Variants in DNAH9 observed in about 807,000 individuals in gnomAD.
The protein encoded by DNAH9 is dynein axonemal heavy chain 9.
A neutral mutation model predicts 471.6 loss-of-function variants in DNAH9; 345 were observed. That is an observed-to-expected ratio of 0.73 (90% CI 0.67 to 0.80). The LOEUF is 0.80. Among genes scored for constraint, DNAH9 ranks in the 30% least tolerant of loss-of-function variants. DNAH9 has a pLI of 0.00. For synonymous variants in DNAH9, 2,093 were observed against 2,123.6 expected, an observed-to-expected ratio of 0.99 and a Z score of 0.40; for missense variants, 5,407 against 5,609.2, an observed-to-expected ratio of 0.96 and a Z score of 1.15.
chr17:11,815,414 C>A (rs749818217), intron 45 of DNAH9, among the ~76,000 whole-genome samples: 4 of 152,174 alleles, frequency 2.6e-5, no homozygotes, highest in Non-Finnish European at 4.4e-5. Context: ...AACGCCAACA[C>A]TCCTTAACTT....
chr17:11,715,527 G>A (rs2074943897), intron 26 of DNAH9, among the ~76,000 whole-genome samples: 1 of 152,158 alleles, frequency 6.6e-6, no homozygotes, highest in Admixed American at 6.5e-5. Flanking sequence ...CTGACATGGT[G>A]AAAGAGTCAA....
chr17:11,880,355 G>A (rs1342464731), intron 54 of DNAH9, among the ~76,000 whole-genome samples, 155 bp downstream of exon 54: 1 of 152,048 alleles, frequency 6.6e-6, no homozygotes, highest in African/African-American at 2.4e-5. Context: ...TCCAGCAGAG[G>A]TCTATTTAGT....
intron 15 of DNAH9, among the ~76,000 whole-genome samples, chr17:11,668,488 C>T (rs900518705): frequency 4.6e-5 from 7 of 151,972 alleles, no homozygotes; most frequent in African/African-American, 1.7e-4. Flanking sequence ...AGTGTGGTGA[C>T]ACCCTATCTC....
intron 27 of DNAH9, among the ~76,000 whole-genome samples, chr17:11,722,280 G>A (rs1211963803): frequency 6.6e-6 from 1 of 152,188 alleles, no homozygotes; most frequent in East Asian, 1.9e-4. Context: ...GGGAAGGACT[G>A]AAAGCCACTG....
intron 45 of DNAH9, among the ~76,000 whole-genome samples, chr17:11,814,968 AAAC>A (rs3070117): frequency 1.3e-5 from 2 of 151,318 alleles, no homozygotes; most frequent in South Asian, 4.2e-4. Flanking sequence ...AAGAAAAAAA[AAAC>A]AATAAAGTTG....
Position 11,610,510 on chromosome 17 carries a change from G to A in DNAH9, c.729G>A (p.Gly243=). The A allele has an allele frequency of 6.2e-7, 1 of 1,613,300 alleles. No homozygotes were observed. Among genetic ancestry groups the A allele is most frequent in the African/African-American group, 1.3e-5 (1 of 75,014 alleles). Residue 243 remains glycine (G), a synonymous_variant, in exon 3 of 69, where the codon GGG becomes GGA. Transcript: ENST00000262442. ...AGTCTTCCCAGCCACTCTTACAAGG[G>A]GAGAATCCCACCCCTAAGGTGGAGT... is the stretch of plus-strand genomic sequence containing the variant. ...KRESSQPLLQ[G]ENPTPKVELE...
At chr17:11,912,704 CA>C (rs1973828893) in intron 61 of DNAH9, among the ~76,000 whole-genome samples, 1 of 152,104 alleles carries the variant, frequency 6.6e-6, no homozygotes, top group African/African-American at 2.4e-5. Context: ...TTACTGGACT[CA>C]ATTTGCTAAC....
At chr17:11,664,005 C>T (rs904521603) in intron 14 of DNAH9, among the ~76,000 whole-genome samples, 2 of 152,142 alleles carry the variant, frequency 1.3e-5, no homozygotes, top group Admixed American at 6.5e-5. Context: ...TGGCAATACA[C>T]CCTGAAGAGG....
In DNAH9 at chr17:11,808,026, G is replaced by C. The variant is rs1969757443; in HGVS notation, c.8583+132G>C. The C allele has an allele frequency of 5.5e-6, 6 of 1,083,966 alleles. No homozygotes were observed. In the South Asian group the frequency reaches 9.1e-5, roughly 16 times the overall value. 67.1% of individuals were successfully genotyped at this position (1,083,966 alleles called of 1,614,324 possible). A position where few individuals can be genotyped will look rare whatever the true frequency, so the allele number is the denominator to read the frequency against. On this transcript the variant is annotated intron_variant, in intron 44 of 68. Coordinates refer to ENST00000262442, the MANE Select transcript of DNAH9 (RefSeq NM_001372.4). ...TCAATGTCTGTCCATTTCTGTCTTA[G>C]GTTCTGGGCTGGTGATGTGAATGAC...
At chr17:11,759,500 G>GGT (rs1485530239) in intron 35 of DNAH9, among the ~76,000 whole-genome samples, 2 of 146,266 alleles carry the variant, frequency 1.4e-5, no homozygotes, top group Admixed American at 1.4e-4. Flanking sequence ...GATATACATA[G>GGT]GTATATATAC....
intron 50 of DNAH9, among the ~76,000 whole-genome samples, chr17:11,857,029 T>G (rs1434352090): frequency 6.6e-6 from 1 of 152,248 alleles, no homozygotes; most frequent in South Asian, 2.1e-4. Context: ...CCAGCCCATA[T>G]TCCTGCTTTT....
chr17:11,812,195 C>T (rs1278877224), intron 45 of DNAH9, among the ~76,000 whole-genome samples: 2 of 149,936 alleles, frequency 1.3e-5, no homozygotes, highest in African/African-American at 4.9e-5. Context: ...TCTACAAAAC[C>T]ACCTCTTCAT....
intron 52 of DNAH9, among the ~76,000 whole-genome samples, chr17:11,872,072 G>A (rs951350767): frequency 6.6e-6 from 1 of 152,124 alleles, no homozygotes; most frequent in African/African-American, 2.4e-5. Context: ...CCTTAAAGCT[G>A]TGAAACCTGA....
At chr17:11,725,992 C>G (rs2150811473) in intron 27 of DNAH9, among the ~76,000 whole-genome samples, 1 of 152,316 alleles carries the variant, frequency 6.6e-6, no homozygotes, top group South Asian at 2.1e-4. Flanking sequence ...AAAGATCCCT[C>G]ATAGTAATTC....
chr17:11,636,600 T>G lies in DNAH9; in HGVS notation c.1636-34T>G, dbSNP rs766101465. 8.2e-6 allele frequency: 13 copies of G among 1,589,502 alleles called. No individual in the cohort carries two copies. The African/African-American group carries it at 1.9e-4, about 23-fold the overall frequency. ...AACCATGGAAAGGTTTAATCTGTGATTTTTTTCCTCTTTTTCCTCCACCTT... is the reference window on the plus strand; with the variant it reads ...AACCATGGAAAGGTTTAATCTGTGAGTTTTTTCCTCTTTTTCCTCCACCTT... On this transcript the variant is annotated intron_variant, in intron 8 of 68. Transcript: ENST00000262442.
intron 29 of DNAH9, among the ~76,000 whole-genome samples, chr17:11,740,246 C>A (rs1364352084): frequency 6.6e-6 from 1 of 152,192 alleles, no homozygotes; most frequent in African/African-American, 2.4e-5. Flanking sequence ...TTCTTTCTTA[C>A]CTTTTTTTCT....
intron 62 of DNAH9, among the ~76,000 whole-genome samples, chr17:11,926,034 T>TAA (rs1555525545): frequency 8.5e-5 from 2 of 23,446 alleles, no homozygotes; most frequent in Admixed American, 1.0e-3. Flanking sequence ...AGAGATTCTC[T>TAA]GAAAAAAAAA....
At chr17:11,821,841 G>C in intron 45 of DNAH9, 79 bp from the exon 46 acceptor site, 1 of 1,510,480 alleles carries the variant, frequency 6.6e-7, no homozygotes, top group Non-Finnish European at 8.9e-7. Flanking sequence ...TGTGTCCTAA[G>C]GTAGGATAAC....
At chr17:11,727,072 A>C (rs2075166814) in intron 27 of DNAH9, among the ~76,000 whole-genome samples, 1 of 149,708 alleles carries the variant, frequency 6.7e-6, no homozygotes, top group Non-Finnish European at 1.5e-5. Flanking sequence ...AAAAAAAAAA[A>C]AAAAACCCGC....
Sources: gnomAD v4.1 joint callset for allele counts (sites outside exome capture counted in the v4.1 genomes callset) on GRCh38, gnomAD v4.1.1 for gene constraint, MANE v1.5 for transcripts, NCBI Gene and HGNC (gene_info 2026-07-23, HGNC 2026-07-21) for gene names.